Variants in CLIP1 observed in about 807,000 individuals in gnomAD.
The protein encoded by CLIP1 is CAP-Gly domain containing linker protein 1.
CLIP1 carries 66 observed loss-of-function variants against 161.6 expected under a neutral mutation model. That is an observed-to-expected ratio of 0.41 (90% CI 0.33 to 0.50). The LOEUF (loss-of-function observed/expected upper bound fraction) is 0.50, where lower values mean the gene tolerates loss of function less well. Among genes scored for constraint, CLIP1 ranks in the 20% least tolerant of loss-of-function variants. The pLI, the probability that CLIP1 is intolerant of heterozygous loss-of-function variation, is 0.27. For synonymous variants in CLIP1, 598 were observed against 626.2 expected (o/e 0.96, Z 0.67); for missense variants, 1,376 against 1,702.0 (o/e 0.81, Z 3.37).
At chr12:122,390,469 G>A (rs1158615235) in intron 1 of CLIP1, among the ~76,000 whole-genome samples, 2 of 150,760 alleles carry the variant, frequency 1.3e-5, no homozygotes, top group African/African-American at 2.4e-5. Flanking sequence ...GCGCCACCAC[G>A]CCCAGCTAAT....
chr12:122,389,552 T>A (rs1955491370), intron 1 of CLIP1, among the ~76,000 whole-genome samples: 1 of 151,576 alleles, frequency 6.6e-6, no homozygotes, highest in African/African-American at 2.4e-5. Flanking sequence ...TGAGGTTAGG[T>A]GTTCGAGACC....
intron 8 of CLIP1, among the ~76,000 whole-genome samples, chr12:122,351,738 A>C (rs963014011): frequency 2.6e-5 from 4 of 152,218 alleles, no homozygotes; most frequent in African/African-American, 9.6e-5. Flanking sequence ...GAAAAACTGA[A>C]TGATTTACAT....
At chr12:122,354,987 A>G in intron 6 of CLIP1, 128 bp downstream of exon 6, 1 of 795,838 alleles carries the variant, frequency 1.3e-6, no homozygotes, top group Non-Finnish European at 2.1e-6. Flanking sequence ...CAAGCACAGC[A>G]AAGAAATGTA....
At chr12:122,397,200 C>G (rs1346886000) in intron 1 of CLIP1, among the ~76,000 whole-genome samples, 1 of 151,932 alleles carries the variant, frequency 6.6e-6, no homozygotes, top group African/African-American at 2.4e-5. Flanking sequence ...AGGCCTAGCC[C>G]AGAGGAACCT....
chr12:122,282,583 C>T (rs996531206), intron 21 of CLIP1, among the ~76,000 whole-genome samples: 10 of 151,892 alleles, frequency 6.6e-5, no homozygotes, highest in Admixed American at 2.6e-4. Flanking sequence ...TGAAGAGAAA[C>T]GCAAATACAG....
At chr12:122,331,655 A>G (rs1009347706) in intron 15 of CLIP1, among the ~76,000 whole-genome samples, 4 of 152,190 alleles carry the variant, frequency 2.6e-5, no homozygotes, top group African/African-American at 4.8e-5. Flanking sequence ...GAAAGCTGTT[A>G]GCACAGTGCA....
At chr12:122,422,463 C>G (rs932790312) in intron 1 of CLIP1, 58 bp downstream of exon 1, 4 of 151,658 alleles carry the variant, frequency 2.6e-5, no homozygotes, top group African/African-American at 9.7e-5. Context: ...GCCGGGAAGC[C>G]GGCAGGGGAG....
At position 122,354,524 on chromosome 12, in the gene CLIP1, C is replaced by T; in HGVS notation, c.1236G>A (p.Gln412=). The T allele has an allele frequency of 6.2e-7, 1 of 1,613,944 alleles. No homozygotes were observed. The highest frequency in any genetic ancestry group is 8.5e-7 in the Non-Finnish European group (1 of 1,179,908). Residue 412 remains glutamine (Q), a synonymous_variant, in exon 7 of 26, where the codon CAG becomes CAA. Transcript: ENST00000620786. ...HVLELEAKMD[Q]LRTMVEAADR... The stretch of plus-strand genomic sequence containing the variant: ...CAGCAGCTTCCACCATTGTTCGCAG[C>T]TGGTCCATTTTGGCTTCCAATTCCA...
intron 4 of CLIP1, among the ~76,000 whole-genome samples, chr12:122,363,602 T>C (rs1953985921): frequency 6.6e-6 from 1 of 152,056 alleles, no homozygotes; most frequent in African/African-American, 2.4e-5. Context: ...GAAGACACAT[T>C]TTGCAGTTCT....
intron 20 of CLIP1, among the ~76,000 whole-genome samples, chr12:122,304,155 T>C (rs999521847): frequency 2.6e-5 from 4 of 152,174 alleles, no homozygotes; most frequent in Non-Finnish European, 4.4e-5. Flanking sequence ...CAAAGGGGCA[T>C]TGAGCCTCAG....
At chr12:122,295,645 C>CA (rs1049246058) in intron 20 of CLIP1, among the ~76,000 whole-genome samples, 5 of 152,162 alleles carry the variant, frequency 3.3e-5, no homozygotes, top group Admixed American at 2.0e-4. Flanking sequence ...GAGTGTTATT[C>CA]AAGTCTTCTG....
chr12:122,336,669 T>C lies in CLIP1; in HGVS notation c.2531A>G (p.Gln844Arg). 6.2e-7 allele frequency: 1 copy of C among 1,611,508 alleles called. No individual in the cohort carries two copies. The highest frequency in any genetic ancestry group is 8.5e-7 in the Non-Finnish European group (1 of 1,178,352). ...TTCTTTTTCCAAAGTCTCTTTCACT[T>C]GACTGACTTCACTCAAATTTTCCTG... ...NLQENLSEVS[Q>R]VKETLEKELQ... The change falls in exon 12 of 26, where the codon CAA becomes CGA. Residue 844 changes from glutamine to arginine, a missense_variant. Gln to Arg is a conservative substitution (Grantham distance 43, BLOSUM62 1). Coordinates refer to ENST00000620786, the MANE Select transcript of CLIP1 (RefSeq NM_001247997.2).
At chr12:122,364,805 G>A (rs1042283638) in intron 3 of CLIP1, 29 of 1,056,518 alleles carry the variant, frequency 2.7e-5, no homozygotes, top group Non-Finnish European at 4.0e-5. Context: ...AGCGAAAGAG[G>A]AGAGGCACCC....
chr12:122,289,789 A>G (rs1956020942), intron 20 of CLIP1, among the ~76,000 whole-genome samples: 1 of 150,658 alleles, frequency 6.6e-6, no homozygotes, highest in Non-Finnish European at 1.5e-5. Context: ...CACCAGTTTC[A>G]ACTCACACTG....
chr12:122,352,694 T>C, intron 8 of CLIP1, 32 bp downstream of exon 8: 4 of 1,581,958 alleles, frequency 2.5e-6, no homozygotes, highest in Non-Finnish European at 2.6e-6. Context: ...CTGATACCCA[T>C]AAAAGCTGTA....
intron 1 of CLIP1, among the ~76,000 whole-genome samples, chr12:122,410,874 G>A (rs1956503579): frequency 1.3e-5 from 2 of 152,086 alleles, no homozygotes. Context: ...TAGCCACCAG[G>A]TAAATACAAA....
At chr12:122,367,819 G>C (rs1954241606) in intron 3 of CLIP1, among the ~76,000 whole-genome samples, 2 of 152,136 alleles carry the variant, frequency 1.3e-5, no homozygotes, top group Admixed American at 1.3e-4. Flanking sequence ...AGGAGTTTGA[G>C]ACTGGCCTGG....
intron 15 of CLIP1, among the ~76,000 whole-genome samples, chr12:122,330,599 T>TTTTTTTTTTTTGTTTTTTTTTG (rs1566125373): frequency 3.7e-5 from 5 of 134,582 alleles, no homozygotes; most frequent in African/African-American, 1.5e-4. Flanking sequence ...ATAATGCAGT[T>TTTTTTTTTTTTGTTTTTTTTTG]TTTTTTTTTT....
intron 4 of CLIP1, among the ~76,000 whole-genome samples, chr12:122,361,468 G>A (rs1398247213): frequency 6.6e-6 from 1 of 152,206 alleles, no homozygotes; most frequent in African/African-American, 2.4e-5. Context: ...CCTGATAAAT[G>A]TACAGCAGAG....
Sources: allele counts gnomAD v4.1 joint callset (sites outside exome capture counted in the v4.1 genomes callset), GRCh38; gene constraint gnomAD v4.1.1; transcripts MANE v1.5; gene names NCBI Gene and HGNC (gene_info 2026-07-23, HGNC 2026-07-21).